Variants in IFT74 observed in about 807,000 individuals in gnomAD.
IFT74 encodes the protein intraflagellar transport 74, also known as intraflagellar transport protein 74 homolog.
Under a neutral mutation model 96.7 loss-of-function variants are expected in IFT74, and 92 were observed. The observed-to-expected ratio is 0.95, with a 90% CI of 0.80 to 1.13. IFT74 has a LOEUF of 1.13. IFT74 is among the 50% of genes most tolerant of loss of function. The probability of loss-of-function intolerance (pLI) is 0.00; values close to 1 mark genes in which losing one functional copy is unlikely to be tolerated. For missense variants in IFT74, 811 were observed against 698.2 expected, an observed-to-expected ratio of 1.16 and a Z score of -1.82; for synonymous variants, 223 against 213.2, an observed-to-expected ratio of 1.05 and a Z score of -0.40.
At position 26,965,707 on chromosome 9, in the gene IFT74, G is replaced by C. The variant is rs368415505; in HGVS notation, c.120+3620G>C. ...CATGCATATATTATGTAATGATGAAGTGTGGGCTTTTAGTGTACCCATCAC... is the reference window on the plus strand; with the variant it reads ...CATGCATATATTATGTAATGATGAACTGTGGGCTTTTAGTGTACCCATCAC... On this transcript the variant is annotated intron_variant, in intron 2 of 19. Transcript: ENST00000380062. Among the ~76,000 whole-genome samples the C allele has an allele frequency of 3.5e-3, 532 of 152,182 alleles. 4 individuals are homozygous for C. The highest frequency in any genetic ancestry group is 0.012 in the African/African-American group (509 of 41,558).
At chr9:26,986,977 G>A (rs1308175161) in intron 6 of IFT74, among the ~76,000 whole-genome samples, 1 of 152,164 alleles carries the variant, frequency 6.6e-6, no homozygotes, top group Non-Finnish European at 1.5e-5. Context: ...ACATTTTGTA[G>A]AGCCCATTAT....
At chr9:27,055,872 G>T in intron 17 of IFT74, 100 bp downstream of exon 17, 2 of 715,290 alleles carry the variant, frequency 2.8e-6, no homozygotes, top group South Asian at 3.4e-5. Context: ...ATTTTAAGTT[G>T]ATTATTTTAT....
intron 6 of IFT74, 24 bp downstream of exon 6, chr9:26,984,583 T>A (rs567621487): frequency 1.5e-4 from 240 of 1,558,686 alleles, no homozygotes; most frequent in Non-Finnish European, 2.1e-4. Context: ...TCTAAGAGAA[T>A]TTACTGTTAA....
intron 17 of IFT74, among the ~76,000 whole-genome samples, 154 bp downstream of exon 17, chr9:27,055,926 G>A (rs938345978): frequency 6.6e-6 from 1 of 151,956 alleles, no homozygotes; most frequent in African/African-American, 2.4e-5. Context: ...TATGTAGTTG[G>A]AATTTAGAGT....
intron 18 of IFT74, among the ~76,000 whole-genome samples, chr9:27,058,551 A>G (rs1378428453): frequency 1.3e-5 from 2 of 151,538 alleles, no homozygotes; most frequent in African/African-American, 2.4e-5. Flanking sequence ...ACGCCTGTCT[A>G]ATTTTTTTGT....
chr9:26,947,757 TC>T (rs2131445304), intron 1 of IFT74, among the ~76,000 whole-genome samples: 1 of 152,346 alleles, frequency 6.6e-6, no homozygotes, highest in South Asian at 2.1e-4. Context: ...TATCTGAATC[TC>T]CTACTCTCTG....
chr9:27,019,535 G>T (rs1372212489), intron 12 of IFT74, among the ~76,000 whole-genome samples: 2 of 150,806 alleles, frequency 1.3e-5, no homozygotes, highest in East Asian at 2.0e-4. Context: ...AAGACAAATG[G>T]AATATTATTT....
At chr9:27,015,554 T>C (rs1209505831) in intron 10 of IFT74, among the ~76,000 whole-genome samples, 1 of 152,052 alleles carries the variant, frequency 6.6e-6, no homozygotes, top group Non-Finnish European at 1.5e-5. Flanking sequence ...GGAGAATCGC[T>C]TGAACCTGGG....
intron 17 of IFT74, 122 bp from the exon 18 acceptor site, chr9:27,056,212 G>C: frequency 2.8e-6 from 2 of 719,388 alleles, no homozygotes; most frequent in Non-Finnish European, 4.5e-6. Flanking sequence ...ACGGGTTTTA[G>C]AGTAGTTATA....
intron 19 of IFT74, 53 bp downstream of exon 19, chr9:27,060,704 G>C: frequency 1.5e-6 from 2 of 1,324,172 alleles, no homozygotes; most frequent in Non-Finnish European, 2.1e-6. Flanking sequence ...CATGCCTATA[G>C]TCCCAACACT....
At chr9:27,007,676 A>T (rs1178115418) in intron 8 of IFT74, among the ~76,000 whole-genome samples, 2 of 152,148 alleles carry the variant, frequency 1.3e-5, no homozygotes, top group African/African-American at 2.4e-5. Flanking sequence ...TAGTAGTAGG[A>T]TATGAATGTG....
At chr9:27,031,047 A>G (rs1358219539) in intron 13 of IFT74, among the ~76,000 whole-genome samples, 1 of 152,132 alleles carries the variant, frequency 6.6e-6, no homozygotes, top group Non-Finnish European at 1.5e-5. Context: ...TGCAGTGACT[A>G]TTTACAGGCA....
intron 9 of IFT74, among the ~76,000 whole-genome samples, chr9:27,009,971 A>G (rs1269044301): frequency 6.9e-6 from 1 of 144,732 alleles, no homozygotes; most frequent in Non-Finnish European, 1.5e-5. Context: ...TGCTGGAAAC[A>G]TTTTTTTTTT....
intron 2 of IFT74, among the ~76,000 whole-genome samples, chr9:26,965,762 A>C (rs1826581882): frequency 6.6e-6 from 1 of 152,084 alleles, no homozygotes; most frequent in South Asian, 2.1e-4. Context: ...CCCAATATGT[A>C]ATTTAGCAAC....
At chr9:26,987,180 G>C (rs1172446846) in intron 6 of IFT74, among the ~76,000 whole-genome samples, 1 of 152,000 alleles carries the variant, frequency 6.6e-6, no homozygotes, top group East Asian at 1.9e-4. Flanking sequence ...CTCCTGAGTA[G>C]CTGGGATTAC....
chr9:27,024,525 A>G lies in IFT74; in HGVS notation c.975-4500A>G, dbSNP rs948711042. On this transcript the variant is annotated intron_variant, in intron 12 of 19. Transcript: ENST00000380062. Reference sequence around the variant, plus strand: ...AAACGAATCTGAACAGCAGTCCTTGAGTCTCAGATCTTTCTTCTGTCATAG... The same window carrying G: ...AAACGAATCTGAACAGCAGTCCTTGGGTCTCAGATCTTTCTTCTGTCATAG... Among the ~76,000 whole-genome samples the G allele has an allele frequency of 1.1e-4, 16 of 152,306 alleles. No homozygotes were observed. The East Asian group carries it at 2.1e-3, about 20-fold the overall frequency.
rs10967620 is a variant in IFT74 at position 26,958,371 on chromosome 9, C to T, written c.-20+1855C>T. Among the ~76,000 whole-genome samples, 1,343 of 152,022 alleles carry T rather than the reference C, an allele frequency of 8.8e-3. 18 individuals are homozygous for T. The highest frequency in any genetic ancestry group is 0.03 in the African/African-American group (1,250 of 41,460). ...TTATGGACTGGTCATGGAAGGATTC[C>T]CAGAGAAAGTAATAGGCAAAATGTG... On this transcript the variant is annotated intron_variant, in intron 1 of 19. Coordinates refer to ENST00000380062, the MANE Select transcript of IFT74 (RefSeq NM_025103.4).
At chr9:27,028,697 A>T in intron 12 of IFT74, 1 of 167,618 alleles carries the variant, frequency 6.0e-6, no homozygotes, top group Non-Finnish European at 1.3e-5. Flanking sequence ...CAGAGATTGC[A>T]GTGAGCCGAG....
intron 2 of IFT74, among the ~76,000 whole-genome samples, chr9:26,974,444 G>A (rs1002926893): frequency 1.3e-5 from 2 of 152,232 alleles, no homozygotes; most frequent in East Asian, 3.9e-4. Flanking sequence ...CCTTTAGCCT[G>A]TCTAAGAATT....
Sources: gnomAD v4.1 joint callset for allele counts (sites outside exome capture counted in the v4.1 genomes callset) on GRCh38, gnomAD v4.1.1 for gene constraint, MANE v1.5 for transcripts, NCBI Gene and HGNC (gene_info 2026-07-23, HGNC 2026-07-21) for gene names.